The following RIMBP2 variants were observed in gnomAD, a reference collection of about 807,000 sequenced individuals.
The protein encoded by RIMBP2 is RIMS-binding protein 2.
Under a neutral mutation model 118.6 loss-of-function variants are expected in RIMBP2, and 48 were observed. That is an observed-to-expected ratio of 0.40 (90% CI 0.32 to 0.51). The LOEUF (loss-of-function observed/expected upper bound fraction) is 0.51. Among genes scored for constraint, RIMBP2 ranks in the 20% least tolerant of loss-of-function variants. The pLI, the probability that RIMBP2 is intolerant of heterozygous loss-of-function variation, is 0.41. For synonymous variants in RIMBP2, 762 were observed against 742.9 expected, an observed-to-expected ratio of 1.03 and a Z score of -0.42; for missense variants, 1,551 against 1,768.3, an observed-to-expected ratio of 0.88 and a Z score of 2.20.
intron 2 of RIMBP2, among the ~76,000 whole-genome samples, chr12:130,625,237 C>T (rs1204808924): frequency 1.3e-5 from 2 of 152,132 alleles, no homozygotes; most frequent in African/African-American, 2.4e-5. Context: ...ATACTCACAA[C>T]CCCTGTGAAA....
chr12:130,646,303 C>T (rs1468599383), intron 1 of RIMBP2, among the ~76,000 whole-genome samples: 1 of 113,510 alleles, frequency 8.8e-6, no homozygotes, highest in African/African-American at 3.2e-5. Context: ...GCCTCTCCAC[C>T]TCCCTCACCA....
chr12:130,545,703 GGA>G (rs1476804826), intron 2 of RIMBP2, among the ~76,000 whole-genome samples: 5 of 152,176 alleles, frequency 3.3e-5, no homozygotes, highest in African/African-American at 1.2e-4. Flanking sequence ...CGTCTGGGGA[GGA>G]GAGGGGAGCG....
chr12:130,455,378 C>T (rs1593364003), intron 7 of RIMBP2, among the ~76,000 whole-genome samples: 1 of 152,082 alleles, frequency 6.6e-6, no homozygotes, highest in Admixed American at 6.5e-5. Context: ...GTCTGCCCGC[C>T]AGCGGGAGCT....
chr12:130,521,907 A>C (rs536538462), intron 2 of RIMBP2, among the ~76,000 whole-genome samples: 4 of 152,356 alleles, frequency 2.6e-5, no homozygotes, highest in Non-Finnish European at 5.9e-5. Flanking sequence ...AAGCCACACA[A>C]AAGAGGGTTT....
intron 6 of RIMBP2, among the ~76,000 whole-genome samples, chr12:130,467,059 G>A (rs563364930): frequency 3.3e-5 from 5 of 152,278 alleles, no homozygotes; most frequent in South Asian, 2.1e-4. Context: ...TAACTCCATC[G>A]TGCTTCTAAC....
At chr12:130,415,397 T>C (rs568971662) in intron 17 of RIMBP2, among the ~76,000 whole-genome samples, 2 of 152,328 alleles carry the variant, frequency 1.3e-5, no homozygotes, top group South Asian at 4.1e-4. Flanking sequence ...TTGAAAGATG[T>C]ACCTCAAAAA....
At chr12:130,478,267 T>C (rs1254322820) in intron 5 of RIMBP2, among the ~76,000 whole-genome samples, 1 of 152,250 alleles carries the variant, frequency 6.6e-6, no homozygotes, top group Non-Finnish European at 1.5e-5. Flanking sequence ...CCTTTCTTAC[T>C]GGGATCCGGC....
At chr12:130,690,218 G>A (rs2065250161) in intron 1 of RIMBP2, among the ~76,000 whole-genome samples, 1 of 152,170 alleles carries the variant, frequency 6.6e-6, no homozygotes, top group South Asian at 2.1e-4. Flanking sequence ...GTTCTCCCAG[G>A]CGGCCTCCCT....
chr12:130,412,861 A>G (rs1285946594), intron 18 of RIMBP2, 74 bp from the exon 19 acceptor site: 7 of 1,359,256 alleles, frequency 5.1e-6, no homozygotes, highest in African/African-American at 1.5e-5. Flanking sequence ...CACTGACGGT[A>G]AGTGAGTGTA....
Position 130,471,032 on chromosome 12 carries a change from G to A in RIMBP2, c.103-289C>T, listed in dbSNP as rs1159223158. Among the ~76,000 whole-genome samples the A allele has an allele frequency of 2.6e-5, 4 of 152,174 alleles. No individual in the cohort carries two copies. In the East Asian group the frequency reaches 7.7e-4, roughly 29 times the overall value. On this transcript the variant is annotated intron_variant, in intron 5 of 22. Coordinates refer to ENST00000690449, the MANE Select transcript of RIMBP2 (RefSeq NM_001393629.1). ...AAGCATCCCTCCAATGCCTCTGACA[G>A]CACCTTCATCTGCCCAAACATCCGA...
chr12:130,636,465 A>G (rs889946753), intron 1 of RIMBP2, among the ~76,000 whole-genome samples: 4 of 152,120 alleles, frequency 2.6e-5, no homozygotes, highest in Non-Finnish European at 4.4e-5. Flanking sequence ...TTGAACACTC[A>G]TTGGACCTCA....
intron 14 of RIMBP2, chr12:130,432,177 G>T (rs1049054373): frequency 3.1e-5 from 14 of 455,778 alleles, no homozygotes; most frequent in Non-Finnish European, 2.2e-5. Context: ...ATTCACTCCT[G>T]GATAGGTGAG....
At chr12:130,516,100 C>T (rs2139025335) in intron 3 of RIMBP2, among the ~76,000 whole-genome samples, 1 of 152,268 alleles carries the variant, frequency 6.6e-6, no homozygotes, top group Middle Eastern at 3.4e-3. Context: ...GTGGTTGCAC[C>T]ATTTTACATT....
intron 9 of RIMBP2, among the ~76,000 whole-genome samples, chr12:130,445,608 AAATT>A (rs2078459617): frequency 6.6e-6 from 1 of 152,254 alleles, no homozygotes; most frequent in Non-Finnish European, 1.5e-5. Flanking sequence ...GATGTGAAGA[AAATT>A]AACCCTATAA....
In RIMBP2 at chr12:130,420,539, AG is replaced by A. The variant is rs2076350844; in HGVS notation, c.3238+1913del. Among the ~76,000 whole-genome samples, 1 of 152,220 alleles carries A rather than the reference AG, an allele frequency of 6.6e-6. No individual in the cohort carries two copies. The highest frequency in any genetic ancestry group is 2.4e-5 in the African/African-American group (1 of 41,462). ...TCATCAAAAGTAGTTTCATTTGGGA[AG>A]GGTTTTTATGATACTAATAAAACTT... On this transcript the variant is annotated intron_variant, in intron 17 of 22. Coordinates refer to ENST00000690449, the MANE Select transcript of RIMBP2 (RefSeq NM_001393629.1). This position sits in a 1 kb window ranked among gnomAD's most constrained non-coding sequence, Gnocchi z 4.3.
At position 130,621,456 on chromosome 12, in the gene RIMBP2, G is replaced by A. The variant is rs935289242; in HGVS notation, c.-217+6866C>T. Among the ~76,000 whole-genome samples the A allele has an allele frequency of 3.3e-5, 5 of 152,188 alleles. No homozygotes were observed. The highest frequency in any genetic ancestry group is 3.9e-4 in the East Asian group (2 of 5,182). On this transcript the variant is annotated intron_variant, in intron 2 of 22. Transcript: ENST00000690449. This position sits in a 1 kb window ranked among gnomAD's most constrained non-coding sequence, Gnocchi z 6.6. ...ATCGGCAGAGTTCCTGGACGTAGCC[G>A]TTCCTGAAGCTAGAATCTCCTCTCT...
At chr12:130,575,380 GAGTT>G (rs1191236623) in intron 2 of RIMBP2, among the ~76,000 whole-genome samples, 1 of 151,884 alleles carries the variant, frequency 6.6e-6, no homozygotes, top group African/African-American at 2.4e-5. Flanking sequence ...GCTATGGTGT[GAGTT>G]AAACTCTCCA....
chr12:130,405,913 A>G (rs1001887721), intron 21 of RIMBP2, among the ~76,000 whole-genome samples: 1 of 152,170 alleles, frequency 6.6e-6, no homozygotes, highest in African/African-American at 2.4e-5. Flanking sequence ...ATATGAATGT[A>G]TTTGTTTTGT....
chr12:130,684,412 T>A (rs1368744925), intron 1 of RIMBP2, among the ~76,000 whole-genome samples: 3 of 152,198 alleles, frequency 2.0e-5, no homozygotes, highest in African/African-American at 7.2e-5. Flanking sequence ...TCACTCATAT[T>A]TGGCTCAGAA....
Sources: allele counts gnomAD v4.1 joint callset (sites outside exome capture counted in the v4.1 genomes callset), GRCh38; gene constraint gnomAD v4.1.1; non-coding constraint Gnocchi (gnomAD v3.1); transcripts MANE v1.5; gene names NCBI Gene and HGNC (gene_info 2026-07-23, HGNC 2026-07-21).